NRG3: variants seen among roughly 807,000 people sequenced by gnomAD.
The protein encoded by NRG3 is pro-neuregulin-3, membrane-bound isoform.
Under a neutral mutation model 66.9 loss-of-function variants are expected in NRG3, and 31 were observed. That is an observed-to-expected ratio of 0.46 (90% CI 0.35 to 0.63). The LOEUF (loss-of-function observed/expected upper bound fraction) is 0.63. Ranked by LOEUF, NRG3 falls within the 20% of genes least tolerant of loss-of-function variation. The pLI is 0.00. For synonymous variants in NRG3, 393 were observed against 359.4 expected, an observed-to-expected ratio of 1.09 and a Z score of -1.06; for missense variants, 910 against 878.9, an observed-to-expected ratio of 1.04 and a Z score of -0.45.
At chr10:82,496,725 A>T (rs1225858283) in intron 2 of NRG3, among the ~76,000 whole-genome samples, 2 of 152,160 alleles carry the variant, frequency 1.3e-5, no homozygotes, top group East Asian at 3.9e-4. Flanking sequence ...CCATTGTTAA[A>T]TATCTAGATT....
intron 1 of NRG3, among the ~76,000 whole-genome samples, chr10:82,147,416 G>A (rs2070337905): frequency 6.6e-6 from 1 of 152,112 alleles, no homozygotes; most frequent in African/African-American, 2.4e-5. Flanking sequence ...CTATTTACCT[G>A]GTTGTCCTTA....
At chr10:82,557,984 G>A (rs987038068) in intron 2 of NRG3, among the ~76,000 whole-genome samples, 1 of 152,154 alleles carries the variant, frequency 6.6e-6, no homozygotes, top group African/African-American at 2.4e-5. Flanking sequence ...ATGAAAGAGA[G>A]GTTTGGAACA....
At chr10:82,289,560 C>A (rs1376287154) in intron 1 of NRG3, among the ~76,000 whole-genome samples, 4 of 152,092 alleles carry the variant, frequency 2.6e-5, no homozygotes, top group Non-Finnish European at 5.9e-5. Flanking sequence ...CATTTGTTTT[C>A]TTGAGATGAG....
intron 1 of NRG3, among the ~76,000 whole-genome samples, chr10:82,132,721 G>A (rs1395316306): frequency 1.3e-5 from 2 of 150,680 alleles, no homozygotes; most frequent in South Asian, 2.1e-4. Flanking sequence ...TCTTTGCTGC[G>A]ATACTTTTTA....
At chr10:81,959,823 G>A (rs1043389766) in intron 1 of NRG3, among the ~76,000 whole-genome samples, 8 of 152,044 alleles carry the variant, frequency 5.3e-5, no homozygotes, top group African/African-American at 1.9e-4. Context: ...GGCTTAAGAT[G>A]TTACATAGAG....
At chr10:82,089,342 C>T (rs916455737) in intron 1 of NRG3, among the ~76,000 whole-genome samples, 14 of 152,114 alleles carry the variant, frequency 9.2e-5, no homozygotes, top group Non-Finnish European at 1.3e-4. Flanking sequence ...CAGCTTGTTT[C>T]ACTTGAGCGT....
chr10:81,939,030 T>C (rs1305859151), intron 1 of NRG3, among the ~76,000 whole-genome samples: 1 of 152,050 alleles, frequency 6.6e-6, no homozygotes, highest in African/African-American at 2.4e-5. Context: ...AGATTCATTG[T>C]CCTTTATTTT....
rs542657253 is a variant in NRG3 at position 81,915,486 on chromosome 10, C to T, written c.823+39323C>T. On this transcript the variant is annotated intron_variant, in intron 1 of 8. Coordinates refer to ENST00000372141, the MANE Select transcript of NRG3 (RefSeq NM_001010848.4). The stretch of plus-strand genomic sequence containing the variant: ...TCCTGAAATTGTTAAAGTCAGCTCA[C>T]ACTTCTTTAGTTTTTTTTTTTTTTG... 1.4e-3 allele frequency among the ~76,000 whole-genome samples: 127 copies of T among 91,520 alleles called. 1 individual carries two copies. Among genetic ancestry groups the T allele is most frequent in the Non-Finnish European group, 1.8e-3 (96 of 54,096 alleles). 60.0% of individuals were successfully genotyped at this position (91,520 alleles called of 152,430 possible).
At chr10:82,643,915 C>G (rs1344623550) in intron 2 of NRG3, among the ~76,000 whole-genome samples, 5 of 151,766 alleles carry the variant, frequency 3.3e-5, no homozygotes. Flanking sequence ...CACACACACA[C>G]ACACACACGA....
At chr10:82,367,084 T>C (rs1263533125) in intron 2 of NRG3, among the ~76,000 whole-genome samples, 1 of 152,172 alleles carries the variant, frequency 6.6e-6, no homozygotes, top group Non-Finnish European at 1.5e-5. Context: ...TGCTCTCCTT[T>C]GTAAGTTTTA....
At chr10:82,064,861 G>T (rs758048788) in intron 1 of NRG3, among the ~76,000 whole-genome samples, 14 of 152,126 alleles carry the variant, frequency 9.2e-5, no homozygotes, top group Non-Finnish European at 1.8e-4. Context: ...AATGGAAGAA[G>T]AATTATTCAA....
chr10:81,881,207 G>A (rs1413158820), intron 1 of NRG3, among the ~76,000 whole-genome samples: 1 of 115,698 alleles, frequency 8.6e-6, no homozygotes, highest in Admixed American at 8.8e-5. Flanking sequence ...TTGTTTTTTT[G>A]CCCTTTTTTC....
At chr10:82,936,039 A>T (rs1848037617) in intron 4 of NRG3, among the ~76,000 whole-genome samples, 1 of 152,200 alleles carries the variant, frequency 6.6e-6, no homozygotes, top group African/African-American at 2.4e-5. Flanking sequence ...AGGGGTATGG[A>T]TCATATTCCA....
chr10:82,564,029 T>A (rs1342483417), intron 2 of NRG3, among the ~76,000 whole-genome samples: 10 of 152,056 alleles, frequency 6.6e-5, no homozygotes, highest in Non-Finnish European at 1.5e-5. Context: ...CTATTTGTGA[T>A]GAGCTCTTAA....
At chr10:82,728,605 C>T (rs2057736974) in intron 2 of NRG3, among the ~76,000 whole-genome samples, 1 of 152,166 alleles carries the variant, frequency 6.6e-6, no homozygotes, top group Non-Finnish European at 1.5e-5. Flanking sequence ...ATGTCTTTAT[C>T]AGCAGGGTGA....
chr10:82,748,761 A>C (rs1465696151), intron 3 of NRG3, among the ~76,000 whole-genome samples: 1 of 150,958 alleles, frequency 6.6e-6, no homozygotes, highest in East Asian at 1.9e-4. Flanking sequence ...TTCCCACTTT[A>C]ATGTGTGGAA....
At chr10:82,735,157 A>G (rs1411670478) in intron 2 of NRG3, among the ~76,000 whole-genome samples, 4 of 152,232 alleles carry the variant, frequency 2.6e-5, no homozygotes, top group East Asian at 1.9e-4. Flanking sequence ...TTTAAAAACA[A>G]TTACAATGTC....
Position 82,171,461 on chromosome 10 carries a change from A to G in NRG3, c.824-187278A>G, listed in dbSNP as rs1399258881. On this transcript the variant is annotated intron_variant, in intron 1 of 8. Transcript: ENST00000372141. ...TGCTCTCTGATAGATGCTGTATAGA[A>G]TGATATAGGTCATAAATGGGAGTAT... 2.0e-5 allele frequency among the ~76,000 whole-genome samples: 3 copies of G among 152,042 alleles called. No individual in the cohort carries two copies. The East Asian group carries it at 5.8e-4, about 29-fold the overall frequency.
At position 81,995,243 on chromosome 10, in the gene NRG3, A is replaced by G. The variant is rs548270286; in HGVS notation, c.823+119080A>G. 7.9e-5 allele frequency among the ~76,000 whole-genome samples: 12 copies of G among 152,340 alleles called. No homozygotes were observed. In the South Asian group the frequency reaches 1.9e-3, roughly 24 times the overall value. On this transcript the variant is annotated intron_variant, in intron 1 of 8. Transcript: ENST00000372141. ...GCAATATGATTATATGATGAATGCC[A>G]ATAAATATTTAGTTATTATAGTATA...
Sources: gnomAD v4.1 joint callset for allele counts (sites outside exome capture counted in the v4.1 genomes callset) on GRCh38, gnomAD v4.1.1 for gene constraint, MANE v1.5 for transcripts, NCBI Gene and HGNC (gene_info 2026-07-23, HGNC 2026-07-21) for gene names.